Variants in SEMA3D observed in about 807,000 individuals in gnomAD.
SEMA3D encodes the protein semaphorin-3D.
SEMA3D carries 84 observed loss-of-function variants against 100.1 expected under a neutral mutation model. That is an observed-to-expected ratio of 0.84 (90% confidence interval 0.70 to 1.01). The LOEUF is 1.01. Among genes scored for constraint, SEMA3D ranks in the 50% least tolerant of loss-of-function variants. The probability of loss-of-function intolerance (pLI) is 0.00; values close to 1 mark genes in which losing one functional copy is unlikely to be tolerated. For missense variants in SEMA3D, 875 were observed against 934.1 expected (o/e 0.94, Z 0.82); for synonymous variants, 312 against 320.7 (o/e 0.97, Z 0.29).
Position 85,059,439 on chromosome 7 carries a change from C to T in SEMA3D, c.719-3580G>A, listed in dbSNP as rs577496139. Among the ~76,000 whole-genome samples, 65 of 152,138 alleles carry T rather than the reference C, an allele frequency of 4.3e-4. No individual in the cohort carries two copies. The South Asian group carries it at 7.9e-3, about 18-fold the overall frequency. On this transcript the variant is annotated intron_variant, in intron 8 of 18. Coordinates refer to ENST00000284136, the MANE Select transcript of SEMA3D (RefSeq NM_001384900.1). Reference sequence around the variant, plus strand: ...TCTTCACAAATATGTGGGATTACATCGGTATTAACATGAGTAGAATTTATT... The same window carrying T: ...TCTTCACAAATATGTGGGATTACATTGGTATTAACATGAGTAGAATTTATT...
the SEMA3D span, among the ~76,000 whole-genome samples, chr7:85,234,272 G>A: frequency 4.1e-4 from 63 of 152,298 alleles, no homozygotes; most frequent in South Asian, 8.3e-3. Flanking sequence ...GTGTCCCTGG[G>A]CAATACTTGA....
At chr7:85,249,643 T>G in the SEMA3D span, among the ~76,000 whole-genome samples, 2 of 152,204 alleles carry the variant, frequency 1.3e-5, no homozygotes, top group South Asian at 4.1e-4. Context: ...CCATTTAAAA[T>G]AAATCTGTTT....
At chr7:85,057,337 CAGAG>C (rs1190788576) in intron 8 of SEMA3D, among the ~76,000 whole-genome samples, 1 of 151,902 alleles carries the variant, frequency 6.6e-6, no homozygotes, top group African/African-American at 2.4e-5. Flanking sequence ...GCAAAGAAGA[CAGAG>C]AGTATGGTTA....
At chr7:85,000,315 G>A (rs957116308) in intron 18 of SEMA3D, among the ~76,000 whole-genome samples, 1 of 152,068 alleles carries the variant, frequency 6.6e-6, no homozygotes, top group African/African-American at 2.4e-5. Context: ...TATAGAAAAC[G>A]AGCTTCAGTA....
intron 12 of SEMA3D, among the ~76,000 whole-genome samples, chr7:85,024,702 A>G (rs1790345237): frequency 1.3e-5 from 2 of 151,980 alleles, no homozygotes; most frequent in African/African-American, 4.8e-5. Flanking sequence ...TTATCCTCTC[A>G]ATTGCTATGC....
At chr7:85,043,791 T>C (rs1398431784) in intron 9 of SEMA3D, among the ~76,000 whole-genome samples, 3 of 152,134 alleles carry the variant, frequency 2.0e-5, no homozygotes, top group Non-Finnish European at 2.9e-5. Flanking sequence ...GCCATCCAGG[T>C]AAGATGTGAC....
intron 1 of SEMA3D, among the ~76,000 whole-genome samples, chr7:85,160,349 TAAGG>T (rs992287789): frequency 1.5e-4 from 23 of 150,088 alleles, no homozygotes; most frequent in Non-Finnish European, 2.2e-4. Context: ...GAAAAAAAAA[TAAGG>T]AAGTCAATAA....
At chr7:85,094,760 C>A (rs1990107) in intron 4 of SEMA3D, among the ~76,000 whole-genome samples, 1 of 151,792 alleles carries the variant, frequency 6.6e-6, no homozygotes, top group Admixed American at 6.6e-5. Flanking sequence ...TTCCAGACCC[C>A]GTCCCAGAGA....
At chr7:85,108,256 A>G (rs1211679775) in intron 3 of SEMA3D, among the ~76,000 whole-genome samples, 1 of 152,068 alleles carries the variant, frequency 6.6e-6, no homozygotes, top group East Asian at 1.9e-4. Flanking sequence ...AGTCTAATAA[A>G]GCTTTAACTC....
At chr7:85,113,373 C>A (rs1483948044) in intron 3 of SEMA3D, among the ~76,000 whole-genome samples, 1 of 152,032 alleles carries the variant, frequency 6.6e-6, no homozygotes, top group African/African-American at 2.4e-5. Flanking sequence ...ATCAAACAAC[C>A]AAGCTCCTAT....
rs1206330678 is a variant in SEMA3D at position 84,996,803 on chromosome 7, T to A, written c.*2637A>T. 1 of 152,016 alleles carries A rather than the reference T, an allele frequency of 6.6e-6. No homozygotes were observed. The allele number at this position is 152,016 out of a possible 1,614,324, so 9.4% of individuals were successfully genotyped here. On this transcript the variant is annotated 3_prime_UTR_variant, in exon 19 of 19. Transcript: ENST00000284136. Reference sequence around the variant, plus strand: ...AATTTCTTAGCATATTTGAAACCATTAACTATACTTTTCTTTTTCATTATT... The same window carrying A: ...AATTTCTTAGCATATTTGAAACCATAAACTATACTTTTCTTTTTCATTATT...
At chr7:85,014,803 G>A (rs1312502792) in intron 16 of SEMA3D, among the ~76,000 whole-genome samples, 2 of 151,650 alleles carry the variant, frequency 1.3e-5, no homozygotes, top group Non-Finnish European at 2.9e-5. Context: ...TGACATAAAT[G>A]AAAGAAAAGA....
At chr7:85,178,652 T>C (rs1180835047) in intron 1 of SEMA3D, among the ~76,000 whole-genome samples, 1 of 152,114 alleles carries the variant, frequency 6.6e-6, no homozygotes, top group African/African-American at 2.4e-5. Flanking sequence ...ATTTGCCTCC[T>C]GATGATGTAA....
At chr7:85,034,435 C>T (rs529267118) in intron 12 of SEMA3D, among the ~76,000 whole-genome samples, 86 of 151,760 alleles carry the variant, frequency 5.7e-4, no homozygotes, top group African/African-American at 1.8e-3. Flanking sequence ...GGTGAAACCC[C>T]GTCTCTATTA....
intron 5 of SEMA3D, among the ~76,000 whole-genome samples, chr7:85,079,162 G>C (rs1400217750): frequency 6.6e-6 from 1 of 151,978 alleles, no homozygotes; most frequent in East Asian, 1.9e-4. Flanking sequence ...TTCTCATCCA[G>C]AAAATAGAAA....
At position 84,997,770 on chromosome 7, in the gene SEMA3D, A is replaced by G. The variant is rs184870654; in HGVS notation, c.*1670T>C. The G allele has an allele frequency of 3.9e-3, 593 of 152,638 alleles. 5 individuals carry two copies. The highest frequency in any genetic ancestry group is 0.014 in the African/African-American group (570 of 41,570). The allele number at this position is 152,638 out of a possible 1,614,324, so 9.5% of individuals were successfully genotyped here. A position where few individuals can be genotyped will look rare whatever the true frequency, so the allele number is the denominator to read the frequency against. On this transcript the variant is annotated 3_prime_UTR_variant, in exon 19 of 19. Coordinates refer to ENST00000284136, the MANE Select transcript of SEMA3D (RefSeq NM_001384900.1). The stretch of plus-strand genomic sequence containing the variant: ...AACGAGCAATGTCTGTTATTTTCTG[A>G]AAAGCTGCCTTCCATGTGAGGAAGT...
At position 85,020,321 on chromosome 7, in the gene SEMA3D, T is replaced by C. The variant is rs1790220023; in HGVS notation, c.1415A>G (p.Asp472Gly). 6.2e-7 allele frequency: 1 copy of C among 1,605,890 alleles called. No homozygotes were observed. Among genetic ancestry groups the C allele is most frequent in the Non-Finnish European group, 8.5e-7 (1 of 1,173,966 alleles). The change falls in exon 14 of 19, where the codon GAC (aspartate) becomes GGC (glycine). Residue 472 changes from aspartate to glycine, a missense_variant and splice_region_variant. By Grantham distance (94) the Asp-to-Gly change is moderately conservative. Coordinates refer to ENST00000284136, the MANE Select transcript of SEMA3D (RefSeq NM_001384900.1). Reference protein sequence around the residue: ...GQYDVMFLGTDIGTVLKVVSI... With the variant: ...GQYDVMFLGTGIGTVLKVVSI... ...GACAACTTTGAGGACAGTTCCAATGTCTGAAAAAATGCATAACCCATGATC... is the reference window on the plus strand; with the variant it reads ...GACAACTTTGAGGACAGTTCCAATGCCTGAAAAAATGCATAACCCATGATC...
the SEMA3D span, among the ~76,000 whole-genome samples, chr7:85,220,296 A>T: frequency 6.6e-6 from 1 of 150,826 alleles, no homozygotes; most frequent in Non-Finnish European, 1.5e-5. Context: ...AAATTTCCAT[A>T]AAAAATACAT....
At chr7:85,011,231 A>C (rs1194827898) in intron 17 of SEMA3D, among the ~76,000 whole-genome samples, 1 of 151,834 alleles carries the variant, frequency 6.6e-6, no homozygotes, top group African/African-American at 2.4e-5. Context: ...GGAAGGCAAA[A>C]GAAAGTGTTT....
Sources: gnomAD v4.1 joint callset for allele counts (sites outside exome capture counted in the v4.1 genomes callset) on GRCh38, gnomAD v4.1.1 for gene constraint, MANE v1.5 for transcripts, NCBI Gene and HGNC (gene_info 2026-07-23, HGNC 2026-07-21) for gene names.